MAGI2: variants seen among roughly 807,000 people sequenced by gnomAD.
MAGI2 encodes membrane-associated guanylate kinase, WW and PDZ domain-containing protein 2.
In MAGI2, 35 loss-of-function variants were observed where a neutral mutation model predicts 133.3. That is an observed-to-expected ratio of 0.26 (90% CI 0.20 to 0.35). The LOEUF is 0.35. Among genes scored for constraint, MAGI2 ranks in the 10% least tolerant of loss-of-function variants. The probability of loss-of-function intolerance (pLI) is 1.00; values close to 1 mark genes in which losing one functional copy is unlikely to be tolerated. For synonymous variants in MAGI2, 729 were observed against 710.6 expected (o/e 1.03, Z -0.41); for missense variants, 1,636 against 1,863.4 (o/e 0.88, Z 2.25).
At chr7:78,241,120 GCA>G (rs2150906520) in intron 10 of MAGI2, among the ~76,000 whole-genome samples, 1 of 152,002 alleles carries the variant, frequency 6.6e-6, no homozygotes, top group African/African-American at 2.4e-5. Flanking sequence ...CTAGTGCTGG[GCA>G]CACAGTTAGC....
At chr7:78,378,013 C>T (rs1042266616) in intron 6 of MAGI2, among the ~76,000 whole-genome samples, 10 of 151,992 alleles carry the variant, frequency 6.6e-5, no homozygotes, top group African/African-American at 2.2e-4. Flanking sequence ...AAAAACACCA[C>T]TTTGAATCAC....
intron 6 of MAGI2, among the ~76,000 whole-genome samples, chr7:78,403,306 C>T (rs1797070681): frequency 6.6e-6 from 1 of 152,198 alleles, no homozygotes; most frequent in Non-Finnish European, 1.5e-5. Context: ...CAGCTTCATC[C>T]ATGTGCCTAC....
intron 3 of MAGI2, among the ~76,000 whole-genome samples, chr7:78,576,439 T>G (rs1346518429): frequency 6.6e-6 from 1 of 152,102 alleles, no homozygotes; most frequent in Non-Finnish European, 1.5e-5. Context: ...TGTCTGTCAT[T>G]CCCCTTTCTC....
chr7:79,261,185 T>C (rs1834059934), intron 1 of MAGI2, among the ~76,000 whole-genome samples: 1 of 152,210 alleles, frequency 6.6e-6, no homozygotes, highest in South Asian at 2.1e-4. Context: ...AGAACCTGGA[T>C]TGAATGGGAA....
chr7:78,698,726 G>A (rs1002192249), intron 2 of MAGI2, among the ~76,000 whole-genome samples: 5 of 152,146 alleles, frequency 3.3e-5, no homozygotes, highest in Non-Finnish European at 5.9e-5. Flanking sequence ...ATGGCAGAAG[G>A]GGAAGCCAAC....
intron 11 of MAGI2, among the ~76,000 whole-genome samples, chr7:78,198,525 G>A (rs769609922): frequency 5.0e-5 from 7 of 139,164 alleles, no homozygotes; most frequent in Non-Finnish European, 9.2e-5. Context: ...TCCGCCTCCC[G>A]GGCTCAAGTG....
intron 9 of MAGI2, among the ~76,000 whole-genome samples, chr7:78,265,322 T>C (rs1429942070): frequency 6.6e-6 from 1 of 152,136 alleles, no homozygotes; most frequent in African/African-American, 2.4e-5. Context: ...TTAAAAACTA[T>C]AAGTAAAGCC....
intron 6 of MAGI2, among the ~76,000 whole-genome samples, chr7:78,431,714 T>C (rs1394814661): frequency 6.6e-6 from 1 of 152,080 alleles, no homozygotes; most frequent in African/African-American, 2.4e-5. Flanking sequence ...CCTGAAACAT[T>C]ATGTATCTTA....
At chr7:79,095,977 T>C (rs1176537572) in intron 1 of MAGI2, among the ~76,000 whole-genome samples, 2 of 152,074 alleles carry the variant, frequency 1.3e-5, no homozygotes, top group Non-Finnish European at 2.9e-5. Context: ...AAATAAGGCA[T>C]GATTGTACCT....
intron 12 of MAGI2, among the ~76,000 whole-genome samples, chr7:78,190,485 T>C (rs1473322423): frequency 1.3e-5 from 2 of 152,172 alleles, no homozygotes; most frequent in Non-Finnish European, 2.9e-5. Flanking sequence ...ATTCAAATGA[T>C]GAGAGTCTAG....
At chr7:78,721,504 T>A (rs940987752) in intron 2 of MAGI2, among the ~76,000 whole-genome samples, 1 of 152,040 alleles carries the variant, frequency 6.6e-6, no homozygotes, top group Non-Finnish European at 1.5e-5. Flanking sequence ...AGATATCCCC[T>A]TATCACAGAG....
intron 2 of MAGI2, among the ~76,000 whole-genome samples, chr7:78,744,779 TACAG>T (rs920091768): frequency 1.3e-5 from 2 of 152,238 alleles, no homozygotes; most frequent in African/African-American, 2.4e-5. Flanking sequence ...TTTTAAAACT[TACAG>T]ACAATTTAGT....
rs185469314 is a variant in MAGI2, at chr7:78,289,134, G to C, written c.1409-32553C>G. ...GATGAGTTGGCAGAAGTAGGCTTCA[G>C]ATGATCGGTAATAACAAAATTCTCC... On this transcript the variant is annotated intron_variant, in intron 9 of 21. Coordinates refer to ENST00000354212, the MANE Select transcript of MAGI2 (RefSeq NM_012301.4). Among the ~76,000 whole-genome samples, 24 of 152,328 alleles carry C rather than the reference G, an allele frequency of 1.6e-4. No homozygotes were observed. In the East Asian group the frequency reaches 2.5e-3, roughly 16 times the overall value.
chr7:78,826,148 C>T (rs1036286531), intron 2 of MAGI2, among the ~76,000 whole-genome samples: 1 of 151,632 alleles, frequency 6.6e-6, no homozygotes, highest in Non-Finnish European at 1.5e-5. Flanking sequence ...GTCAGGAGGT[C>T]GAGACCATCC....
At chr7:79,096,296 G>T (rs1368463574) in intron 1 of MAGI2, among the ~76,000 whole-genome samples, 1 of 152,162 alleles carries the variant, frequency 6.6e-6, no homozygotes, top group Non-Finnish European at 1.5e-5. Context: ...TTTGGCAGTA[G>T]GTGTGTTCTT....
intron 1 of MAGI2, among the ~76,000 whole-genome samples, chr7:79,063,986 G>A (rs1173873189): frequency 6.6e-6 from 1 of 152,046 alleles, no homozygotes; most frequent in Admixed American, 6.6e-5. Flanking sequence ...CTTCGTGAAC[G>A]TGTGCTCAAG....
chr7:79,235,098 G>C (rs1563027606), intron 1 of MAGI2, among the ~76,000 whole-genome samples: 2 of 151,500 alleles, frequency 1.3e-5, no homozygotes, highest in Non-Finnish European at 3.0e-5. Flanking sequence ...CTCCCAGTTA[G>C]GCTGCTCGGG....
At chr7:79,000,188 A>G (rs532177748) in intron 2 of MAGI2, 1 of 152,290 alleles carries the variant, frequency 6.6e-6, no homozygotes, top group Non-Finnish European at 1.5e-5. Flanking sequence ...TTACTTAAAG[A>G]TACTCTCAAT....
At chr7:78,276,805 C>T (rs1424245946) in intron 9 of MAGI2, among the ~76,000 whole-genome samples, 1 of 151,968 alleles carries the variant, frequency 6.6e-6, no homozygotes, top group African/African-American at 2.4e-5. Context: ...CACTGGTGTG[C>T]ATGAAAATTC....
Sources: gnomAD v4.1 joint callset for allele counts (sites outside exome capture counted in the v4.1 genomes callset) on GRCh38, gnomAD v4.1.1 for gene constraint, MANE v1.5 for transcripts, NCBI Gene and HGNC (gene_info 2026-07-23, HGNC 2026-07-21) for gene names.